Variants in MED12L observed in about 807,000 individuals in gnomAD.
MED12L encodes mediator of RNA polymerase II transcription subunit 12-like protein.
Under a neutral mutation model 281.3 loss-of-function variants are expected in MED12L, and 60 were observed. The observed-to-expected ratio is 0.21, with a 90% CI of 0.17 to 0.26. The LOEUF (loss-of-function observed/expected upper bound fraction) is 0.26, where lower values mean the gene tolerates loss of function less well. Ranked by LOEUF, MED12L falls within the 10% of genes least tolerant of loss-of-function variation. MED12L has a pLI of 1.00. For synonymous variants in MED12L, 974 were observed against 987.2 expected (o/e 0.99, Z 0.25); for missense variants, 2,146 against 2,680.9 (o/e 0.80, Z 4.41).
chr3:151,157,023 A>G (rs1719378775), intron 6 of MED12L, among the ~76,000 whole-genome samples: 1 of 152,212 alleles, frequency 6.6e-6, no homozygotes, highest in Non-Finnish European at 1.5e-5. Context: ...TCAACATAGG[A>G]AAAAATAAGG....
At chr3:151,127,436 T>G (rs1051392972) in intron 4 of MED12L, among the ~76,000 whole-genome samples, 28 of 152,240 alleles carry the variant, frequency 1.8e-4, no homozygotes, top group African/African-American at 6.5e-4. Context: ...CAATTTTCAC[T>G]TGGTCTGTCC....
chr3:151,093,322 G>C (rs954041655), intron 2 of MED12L, among the ~76,000 whole-genome samples: 1 of 152,120 alleles, frequency 6.6e-6, no homozygotes, highest in Admixed American at 6.5e-5. Context: ...TGCAGATAAA[G>C]TGGCCCACCT....
intron 16 of MED12L, among the ~76,000 whole-genome samples, chr3:151,218,853 C>A (rs1728752206): frequency 9.8e-6 from 1 of 102,498 alleles, no homozygotes; most frequent in Non-Finnish European, 1.8e-5. Context: ...GGTGACAGAG[C>A]AAGACTCAGT....
At chr3:151,217,744 A>G (rs757240875) in intron 16 of MED12L, among the ~76,000 whole-genome samples, 4 of 152,204 alleles carry the variant, frequency 2.6e-5, no homozygotes, top group Non-Finnish European at 5.9e-5. Context: ...AGAAATTCCA[A>G]GATACTCTTG....
chr3:151,159,710 A>G (rs1719742057), intron 7 of MED12L, 122 bp from the exon 8 acceptor site: 1 of 890,258 alleles, frequency 1.1e-6, no homozygotes, highest in Non-Finnish European at 1.7e-6. Flanking sequence ...ATTGGACAGC[A>G]CTTGCTTTAT....
intron 2 of MED12L, among the ~76,000 whole-genome samples, chr3:151,092,139 C>G (rs1310773744): frequency 1.3e-5 from 2 of 152,204 alleles, no homozygotes; most frequent in African/African-American, 2.4e-5. Context: ...CTTCTTCCAA[C>G]AGGCCTAGCT....
At chr3:151,169,366 C>T (rs1384899049) in intron 11 of MED12L, among the ~76,000 whole-genome samples, 1 of 152,076 alleles carries the variant, frequency 6.6e-6, no homozygotes, top group Non-Finnish European at 1.5e-5. Context: ...AGTGATCCAC[C>T]CGCCTTGGCC....
chr3:151,133,757 T>G (rs1021675631), intron 5 of MED12L, among the ~76,000 whole-genome samples: 3 of 152,220 alleles, frequency 2.0e-5, no homozygotes, highest in South Asian at 2.1e-4. Flanking sequence ...AGAACAAGAT[T>G]GTTCAGCTGC....
intron 16 of MED12L, among the ~76,000 whole-genome samples, chr3:151,277,910 T>C (rs1742163488): frequency 9.9e-5 from 15 of 152,246 alleles, no homozygotes; most frequent in Admixed American, 9.8e-4. Flanking sequence ...GACCTAAGTA[T>C]TATGCTAATC....
At chr3:151,322,789 G>T (rs1244543479) in intron 16 of MED12L, among the ~76,000 whole-genome samples, 1 of 152,034 alleles carries the variant, frequency 6.6e-6, no homozygotes, top group African/African-American at 2.4e-5. Context: ...ATCATCCCCT[G>T]TTCCTCTTCT....
At chr3:151,295,040 T>C in intron 16 of MED12L, 1 of 1,613,652 alleles carries the variant, frequency 6.2e-7, no homozygotes, top group East Asian at 2.2e-5. Flanking sequence ...ATTCCTAATG[T>C]GGAAGAAGAT....
intron 16 of MED12L, chr3:151,328,849 A>C (rs763750367): frequency 1.2e-6 from 2 of 1,614,022 alleles, no homozygotes; most frequent in Non-Finnish European, 1.7e-6. Flanking sequence ...GGATGTGAAC[A>C]AACACCCACA....
chr3:151,432,667 A>C, intron 44 of MED12L, 85 bp from the exon 45 acceptor site: 1 of 956,238 alleles, frequency 1.0e-6, no homozygotes. Context: ...TGCAGCTGGT[A>C]CTGAGAGCAG....
intron 5 of MED12L, among the ~76,000 whole-genome samples, chr3:151,134,988 T>G (rs1715934140): frequency 6.6e-6 from 1 of 152,162 alleles, no homozygotes; most frequent in Non-Finnish European, 1.5e-5. Flanking sequence ...CCTCAGTTTC[T>G]TGTCTGTAAA....
chr3:151,360,691 A>G lies in MED12L; in HGVS notation c.2957+86A>G, dbSNP rs79016033. 9 of 1,232,020 alleles carry G rather than the reference A, an allele frequency of 7.3e-6. No individual in the cohort carries two copies. The East Asian group carries it at 2.1e-4, about 29-fold the overall frequency. The allele number at this position is 1,232,020 out of a possible 1,614,324, so 76.3% of individuals were successfully genotyped here. A position where few individuals can be genotyped will look rare whatever the true frequency, so the allele number is the denominator to read the frequency against. ...TGACAATATTGTCATCCTTTTGAATAATGAAAGCTAATTGCAATTGTATCT... is the reference window on the plus strand; with the variant it reads ...TGACAATATTGTCATCCTTTTGAATGATGAAAGCTAATTGCAATTGTATCT... On this transcript the variant is annotated intron_variant, in intron 21 of 44. Coordinates refer to ENST00000687756, the MANE Select transcript of MED12L (RefSeq NM_001393769.1).
At chr3:151,417,040 C>CT (rs915236725) in intron 43 of MED12L, among the ~76,000 whole-genome samples, 1 of 152,098 alleles carries the variant, frequency 6.6e-6, no homozygotes, top group Non-Finnish European at 1.5e-5. Flanking sequence ...ATTATATTTG[C>CT]TTAAATAAAT....
intron 16 of MED12L, among the ~76,000 whole-genome samples, chr3:151,277,759 G>C (rs981127528): frequency 1.3e-5 from 2 of 152,248 alleles, no homozygotes; most frequent in Middle Eastern, 3.4e-3. Flanking sequence ...CAATTTAAAG[G>C]CATTTTATTT....
At chr3:151,148,409 T>C (rs1031389723) in intron 5 of MED12L, among the ~76,000 whole-genome samples, 2 of 152,188 alleles carry the variant, frequency 1.3e-5, no homozygotes, top group African/African-American at 4.8e-5. Context: ...GGTTGAGTAA[T>C]GGTATATATA....
intron 16 of MED12L, among the ~76,000 whole-genome samples, chr3:151,247,950 C>CT (rs1240565387): frequency 1.3e-5 from 1 of 78,748 alleles, no homozygotes; most frequent in Non-Finnish European, 2.5e-5. Flanking sequence ...TACTTTCTTT[C>CT]TTCTTCTTCT....
Sources: gnomAD v4.1 joint callset for allele counts (sites outside exome capture counted in the v4.1 genomes callset) on GRCh38, gnomAD v4.1.1 for gene constraint, MANE v1.5 for transcripts, NCBI Gene and HGNC (gene_info 2026-07-23, HGNC 2026-07-21) for gene names.